Variants in ATP10B observed in about 807,000 individuals in gnomAD.
The protein encoded by ATP10B is ATPase phospholipid transporting 10B (putative), also known as phospholipid-transporting ATPase VB.
Under a neutral mutation model 141.2 loss-of-function variants are expected in ATP10B, and 122 were observed. The ratio of observed to expected loss-of-function variants is 0.86; its 90% CI spans 0.75 to 1.00. ATP10B has a LOEUF of 1.00. ATP10B is among the 50% of genes least tolerant of loss of function. ATP10B has a pLI of 0.00. For synonymous variants in ATP10B, 685 were observed against 692.0 expected (o/e 0.99, Z 0.16); for missense variants, 1,876 against 1,825.3 (o/e 1.03, Z -0.51).
intron 2 of ATP10B, among the ~76,000 whole-genome samples, chr5:160,739,373 A>G (rs919472744): frequency 1.3e-5 from 2 of 152,214 alleles, no homozygotes; most frequent in African/African-American, 2.4e-5. Context: ...TATAGAATTA[A>G]AAGAGGTAAA....
intron 22 of ATP10B, among the ~76,000 whole-genome samples, chr5:160,594,785 A>G (rs1172079803): frequency 1.3e-5 from 2 of 152,084 alleles, no homozygotes; most frequent in Non-Finnish European, 2.9e-5. Context: ...ATCAAAAGAG[A>G]CAAAGAAGGC....
chr5:160,565,795 A>C lies in ATP10B; in HGVS notation c.4044T>G (p.Ser1348Arg), dbSNP rs978852600. The change falls in exon 26 of 26, where the codon AGT becomes AGG. Residue 1348 changes from serine (S) to arginine (R), a missense_variant. Transcript: ENST00000327245. ...PPDKRNLEIQ[S>R]WRSRQRPAPV... ...GGGCAGGCCTCTGTCTGCTTCTCCAACTCTGGATTTCCAGGTTTCTTTTGT... is the reference window on the plus strand; with the variant it reads ...GGGCAGGCCTCTGTCTGCTTCTCCACCTCTGGATTTCCAGGTTTCTTTTGT... 4 of 1,613,548 alleles carry C rather than the reference A, an allele frequency of 2.5e-6. No individual in the cohort carries two copies. In the African/African-American group the frequency reaches 5.4e-5, roughly 22 times the overall value.
chr5:160,806,178 C>A (rs551083068), intron 1 of ATP10B, among the ~76,000 whole-genome samples: 14 of 152,330 alleles, frequency 9.2e-5, no homozygotes, highest in Non-Finnish European at 1.8e-4. Flanking sequence ...AACACTCTCA[C>A]AGATACACCC....
intron 1 of ATP10B, among the ~76,000 whole-genome samples, chr5:160,837,729 C>G (rs184629491): frequency 1.0e-3 from 157 of 152,168 alleles, no homozygotes; most frequent in African/African-American, 3.6e-3. Flanking sequence ...AATTTATTAT[C>G]CTGCGTTTTT....
At chr5:160,919,536 T>G in the ATP10B span, among the ~76,000 whole-genome samples, 1 of 152,196 alleles carries the variant, frequency 6.6e-6, no homozygotes, top group African/African-American at 2.4e-5. Flanking sequence ...GGTACTCATT[T>G]TCATAGCAGT....
chr5:160,620,270 C>T, intron 15 of ATP10B, 77 bp downstream of exon 15: 1 of 1,509,138 alleles, frequency 6.6e-7, no homozygotes, highest in Non-Finnish European at 8.9e-7. Context: ...ACAACTTGAG[C>T]TTCTTATTAC....
At chr5:160,818,663 G>A (rs1773870732) in intron 1 of ATP10B, among the ~76,000 whole-genome samples, 1 of 152,160 alleles carries the variant, frequency 6.6e-6, no homozygotes, top group Non-Finnish European at 1.5e-5. Flanking sequence ...ATACCCAAAG[G>A]ATTATAAATC....
chr5:160,791,910 A>G (rs999054407), intron 1 of ATP10B, among the ~76,000 whole-genome samples: 1 of 152,112 alleles, frequency 6.6e-6, no homozygotes. Flanking sequence ...GATGGTTCTC[A>G]AAGGGCCACA....
chr5:160,644,367 G>A, intron 8 of ATP10B, 123 bp from the exon 9 acceptor site: 1 of 700,044 alleles, frequency 1.4e-6, no homozygotes, highest in Non-Finnish European at 2.6e-6. Flanking sequence ...TTTTTCAGAA[G>A]AGTGATGGTA....
At chr5:160,602,941 C>T (rs1167253021) in intron 20 of ATP10B, 10 of 414,768 alleles carry the variant, frequency 2.4e-5, no homozygotes, top group Admixed American at 7.2e-5. Flanking sequence ...TCTAGGCTGG[C>T]TCTTCATCCG....
At chr5:160,618,899 A>G (rs1461782657) in intron 15 of ATP10B, among the ~76,000 whole-genome samples, 1 of 152,180 alleles carries the variant, frequency 6.6e-6, no homozygotes, top group African/African-American at 2.4e-5. Flanking sequence ...CAGAATTTGT[A>G]TACCTCACCC....
At chr5:160,586,533 G>T (rs893209947) in intron 24 of ATP10B, among the ~76,000 whole-genome samples, 1 of 152,210 alleles carries the variant, frequency 6.6e-6, no homozygotes, top group East Asian at 1.9e-4. Flanking sequence ...TCTGGTTCTA[G>T]ATCCTTGAGG....
rs573932705 is a variant in ATP10B, at chr5:160,771,700, C to A, written c.-331+13859G>T. Among the ~76,000 whole-genome samples, 14 of 152,248 alleles carry A rather than the reference C, an allele frequency of 9.2e-5. No homozygotes were observed. The South Asian group carries it at 2.9e-3, about 32-fold the overall frequency. ...CTTACCAAATTTCTAGTATAGAATA[C>A]AATATTATTAACTATTATGCTCATG... On this transcript the variant is annotated intron_variant, in intron 2 of 25. Coordinates refer to ENST00000327245, the MANE Select transcript of ATP10B (RefSeq NM_025153.3).
chr5:160,749,563 A>G (rs77920462), intron 2 of ATP10B, among the ~76,000 whole-genome samples: 4,446 of 152,186 alleles, frequency 0.029, 205 homozygotes, highest in African/African-American at 0.1. Flanking sequence ...CATCCCTCCA[A>G]TACATAGAAG....
intron 24 of ATP10B, among the ~76,000 whole-genome samples, chr5:160,573,947 G>A (rs1374445010): frequency 6.6e-6 from 1 of 152,146 alleles, no homozygotes; most frequent in Non-Finnish European, 1.5e-5. Context: ...CCACATATAT[G>A]TGTGCAAGAG....
rs200715945 is a variant in ATP10B at position 160,565,641 on chromosome 5, C to G, written c.4198G>C (p.Glu1400Gln). 6 of 1,614,076 alleles carry G rather than the reference C, an allele frequency of 3.7e-6. No homozygotes were observed. Among genetic ancestry groups the G allele is most frequent in the Middle Eastern group, 1.7e-4 (1 of 6,060 alleles). The change falls in exon 26 of 26, where the codon GAA becomes CAA. Residue 1400 changes from glutamate to glutamine, a missense_variant. Physicochemically the swap from Glu to Gln is conservative, Grantham distance 29. Coordinates refer to ENST00000327245, the MANE Select transcript of ATP10B (RefSeq NM_025153.3). ...ATGCACTCCGTGCCACATCTCTGTT[C>G]GTGGAGTACTGACTCTTCCACATGC... Reference protein sequence around the residue: ...RKHVEESVLHEQRCGTECMRD... With the variant: ...RKHVEESVLHQQRCGTECMRD...
At chr5:160,650,711 T>C (rs1007521480) in intron 7 of ATP10B, among the ~76,000 whole-genome samples, 1 of 152,220 alleles carries the variant, frequency 6.6e-6, no homozygotes, top group African/African-American at 2.4e-5. Flanking sequence ...TAATCACTTA[T>C]GTCTTCAGAT....
chr5:160,668,091 G>A (rs139176715), intron 7 of ATP10B, among the ~76,000 whole-genome samples: 70 of 152,194 alleles, frequency 4.6e-4, no homozygotes, highest in African/African-American at 1.5e-3. Context: ...AATTAGCTGG[G>A]TGTGGTAGTG....
In ATP10B at chr5:160,563,370, A is replaced by G. The variant is rs1333350285; in HGVS notation, c.*2083T>C. 6.6e-6 allele frequency: 1 copy of G among 152,172 alleles called. No individual in the cohort carries two copies. Among genetic ancestry groups the G allele is most frequent in the Non-Finnish European group, 1.5e-5 (1 of 68,032 alleles). 9.4% of individuals were successfully genotyped at this position (152,172 alleles called of 1,614,324 possible). Reference sequence around the variant, plus strand: ...AGTTTCCTAGGATTTGGGACTCTGTAAAAATGAGAAAGTCCCAGGCAAACT... The same window carrying G: ...AGTTTCCTAGGATTTGGGACTCTGTGAAAATGAGAAAGTCCCAGGCAAACT... On this transcript the variant is annotated 3_prime_UTR_variant, in exon 26 of 26. Transcript: ENST00000327245.
Sources: gnomAD v4.1 joint callset for allele counts (sites outside exome capture counted in the v4.1 genomes callset) on GRCh38, gnomAD v4.1.1 for gene constraint, MANE v1.5 for transcripts, NCBI Gene and HGNC (gene_info 2026-07-23, HGNC 2026-07-21) for gene names.